Variants in ADGRE5 observed in about 807,000 individuals in gnomAD.
ADGRE5 encodes the protein adhesion G protein-coupled receptor E5, also known as CD97 molecule.
In ADGRE5, 72 loss-of-function variants were observed where a neutral mutation model predicts 100.3. That is an observed-to-expected ratio of 0.72 (90% CI 0.59 to 0.87). The LOEUF (loss-of-function observed/expected upper bound fraction) is 0.87, where lower values mean the gene tolerates loss of function less well. ADGRE5 is among the 40% of genes least tolerant of loss of function. The probability of loss-of-function intolerance (pLI) is 0.00; values close to 1 mark genes in which losing one functional copy is unlikely to be tolerated. For synonymous variants in ADGRE5, 439 were observed against 447.8 expected, an observed-to-expected ratio of 0.98 and a Z score of 0.25; for missense variants, 959 against 1,094.7, an observed-to-expected ratio of 0.88 and a Z score of 1.75.
chr19:14,399,301 G>A (rs138968912), intron 9 of ADGRE5, among the ~76,000 whole-genome samples: 4,356 of 151,598 alleles, frequency 0.029, 90 homozygotes, highest in South Asian at 0.048. Context: ...GGTGGCTCAC[G>A]CCTGTAATCC....
chr19:14,391,335 C>T (rs1975595009), intron 4 of ADGRE5: 3 of 537,422 alleles, frequency 5.6e-6, no homozygotes, highest in Non-Finnish European at 1.0e-5. Context: ...GATACTTATT[C>T]AGAAACCGCT....
chr19:14,405,952 C>A lies in ADGRE5; in HGVS notation c.1821+13C>A, dbSNP rs1187943340. The A allele has an allele frequency of 1.5e-5, 24 of 1,599,372 alleles. No homozygotes were observed. The highest frequency in any genetic ancestry group is 2.0e-5 in the Non-Finnish European group (23 of 1,177,750). On this transcript the variant is annotated intron_variant, in intron 14 of 19. Transcript: ENST00000242786. ...CGAAGGCGGCCAGGTGAGGTCCCGC[C>A]CCGCTCCCTCCTGAGCTCTGGGGTC...
In ADGRE5 at chr19:14,406,486, C is replaced by A; in HGVS notation, c.1977C>A (p.Gly659=). The A allele has an allele frequency of 6.4e-7, 1 of 1,565,490 alleles. No homozygotes were observed. Among genetic ancestry groups the A allele is most frequent in the Non-Finnish European group, 8.7e-7 (1 of 1,155,224 alleles). The change falls in exon 15 of 20, where the codon GGC becomes GGA. Residue 659 remains glycine, a synonymous_variant. Coordinates refer to ENST00000242786, the MANE Select transcript of ADGRE5 (RefSeq NM_078481.4). This position sits in a 1 kb window ranked among gnomAD's most constrained non-coding sequence, Gnocchi z 6.0. ...GTACGCGCTGGCTCTGCCTGATCGGCTATGGCGTGCCCCTGCTCATCGTGG... is the reference window on the plus strand; with the variant it reads ...GTACGCGCTGGCTCTGCCTGATCGGATATGGCGTGCCCCTGCTCATCGTGG... ...GLSTRWLCLI[G]YGVPLLIVGV...
rs1975988741 is a variant in ADGRE5, at chr19:14,401,059, G to A, written c.898-327G>A. ...GGATCGCTTGAGTCTGGGAGGTGGAGGTTGCAGTGAGCTGATTATGCCACT... is the reference window on the plus strand; with the variant it reads ...GGATCGCTTGAGTCTGGGAGGTGGAAGTTGCAGTGAGCTGATTATGCCACT... On this transcript the variant is annotated intron_variant, in intron 9 of 19. Transcript: ENST00000242786. The surrounding 1 kb of genome is among the most constrained non-coding windows in gnomAD (Gnocchi z 4.1). Among the ~76,000 whole-genome samples, 1 of 151,990 alleles carries A rather than the reference G, an allele frequency of 6.6e-6. No homozygotes were observed. Among genetic ancestry groups the A allele is most frequent in the Non-Finnish European group, 1.5e-5 (1 of 68,006 alleles).
rs755335558 is a variant in ADGRE5 at position 14,388,474 on chromosome 19, C to T, written c.47C>T (p.Pro16Leu). ...FLAFCVWLTL[P>L]GAETQDSRGC... ...GCATTCTGTGTCTGGCTGACTCTGC[C>T]GGGAGCTGAAACCCAGGACTCCAGG... The change falls in exon 2 of 20, where the codon CCG (proline) becomes CTG (leucine). Residue 16 changes from proline to leucine, a missense_variant. Pro to Leu is a moderately conservative substitution (Grantham distance 98, BLOSUM62 -3). Transcript: ENST00000242786. 3.9e-5 allele frequency: 63 copies of T among 1,601,358 alleles called. No homozygotes were observed. The highest frequency in any genetic ancestry group is 2.4e-4 in the Admixed American group (14 of 57,966).
intron 19 of ADGRE5, 22 bp from the exon 20 acceptor site, chr19:14,408,070 G>T (rs776204007): frequency 1.2e-6 from 2 of 1,614,072 alleles, no homozygotes; most frequent in East Asian, 2.2e-5. Flanking sequence ...CGGGGCTCAG[G>T]CCTCTGGGCT....
At chr19:14,387,346 G>A (rs1975395003) in intron 1 of ADGRE5, among the ~76,000 whole-genome samples, 1 of 152,148 alleles carries the variant, frequency 6.6e-6, no homozygotes, top group Admixed American at 6.5e-5. Flanking sequence ...CCGAGCTCGG[G>A]AGGCTGAGGC....
intron 13 of ADGRE5, chr19:14,404,976 C>T (rs1392638642): frequency 3.2e-5 from 6 of 188,850 alleles, no homozygotes; most frequent in Middle Eastern, 2.2e-3. Context: ...CCCGAGTAGC[C>T]GAGATTACAG....
intron 3 of ADGRE5, among the ~76,000 whole-genome samples, chr19:14,389,969 C>T (rs1356631979): frequency 1.4e-5 from 2 of 147,022 alleles, no homozygotes; most frequent in African/African-American, 5.0e-5. Context: ...CCAGCTACTC[C>T]GGGGGCTGAG....
At chr19:14,398,345 G>C (rs1267488169) in intron 9 of ADGRE5, 4 of 577,368 alleles carry the variant, frequency 6.9e-6, no homozygotes, top group Non-Finnish European at 1.3e-5. Context: ...CACACACCAG[G>C]TATAATGGCA....
intron 1 of ADGRE5, among the ~76,000 whole-genome samples, chr19:14,385,360 T>G (rs956570843): frequency 3.9e-5 from 6 of 152,084 alleles, no homozygotes; most frequent in Non-Finnish European, 8.8e-5. Flanking sequence ...TCTCTTTCTG[T>G]GTCTCTCTTT....
At chr19:14,385,146 G>C (rs1421169291) in intron 1 of ADGRE5, among the ~76,000 whole-genome samples, 1 of 151,500 alleles carries the variant, frequency 6.6e-6, no homozygotes, top group African/African-American at 2.4e-5. Flanking sequence ...AAATAGCTGG[G>C]ATTACAGGCG....
chr19:14,401,784 G>T lies in ADGRE5; in HGVS notation c.1183+24G>T, dbSNP rs1976023276. ...AGGTAGCAGCGGTGGTCTGGAGGGGGAGCCCGTGGGAGAGAGATGGAGGTG... is the reference window on the plus strand; with the variant it reads ...AGGTAGCAGCGGTGGTCTGGAGGGGTAGCCCGTGGGAGAGAGATGGAGGTG... On this transcript the variant is annotated intron_variant, in intron 11 of 19. Coordinates refer to ENST00000242786, the MANE Select transcript of ADGRE5 (RefSeq NM_078481.4). The surrounding 1 kb of genome is among the most constrained non-coding windows in gnomAD (Gnocchi z 4.1). The T allele has an allele frequency of 2.1e-6, 3 of 1,458,392 alleles. No individual in the cohort carries two copies. The highest frequency in any genetic ancestry group is 2.8e-5 in the African/African-American group (2 of 70,534). 90.3% of individuals were successfully genotyped at this position (1,458,392 alleles called of 1,614,324 possible). A position where few individuals can be genotyped will look rare whatever the true frequency, so the allele number is the denominator to read the frequency against.
chr19:14,402,550 T>A (rs1241601438), intron 11 of ADGRE5, 47 bp from the exon 12 acceptor site: 1 of 1,605,282 alleles, frequency 6.2e-7, no homozygotes, highest in South Asian at 1.1e-5. Flanking sequence ...GGATAGAGCA[T>A]GGGAGGAGGA....
At chr19:14,393,564 C>T (rs573444520) in intron 4 of ADGRE5, among the ~76,000 whole-genome samples, 2 of 152,250 alleles carry the variant, frequency 1.3e-5, no homozygotes, top group African/African-American at 2.4e-5. Flanking sequence ...TGCAGGGTAC[C>T]GAGATCAGGA....
intron 1 of ADGRE5, among the ~76,000 whole-genome samples, chr19:14,384,613 A>G (rs1975268989): frequency 7.4e-6 from 1 of 135,450 alleles, no homozygotes; most frequent in Non-Finnish European, 1.6e-5. Context: ...TCATATCCCA[A>G]CGCCCTCCGT....
intron 9 of ADGRE5, among the ~76,000 whole-genome samples, chr19:14,399,494 G>A (rs1975922438): frequency 6.8e-6 from 1 of 147,098 alleles, no homozygotes; most frequent in Admixed American, 6.9e-5. Flanking sequence ...AACCCGGGAA[G>A]CGGAGCTTGC....
rs762530194 is a variant in ADGRE5 at position 14,404,494 on chromosome 19, G to C, written c.1561G>C (p.Gly521Arg). ...CTGCCAGGTGCTGGGCAGCAAGAACGGCAGCACCACCTGCCAATGCAGCCA... is the reference window on the plus strand; with the variant it reads ...CTGCCAGGTGCTGGGCAGCAAGAACCGCAGCACCACCTGCCAATGCAGCCA... ...EGCQVLGSKN[G>R]STTCQCSHLS... is the part of the protein sequence containing the mutation. The change falls in exon 13 of 20, where the codon GGC (glycine) becomes CGC (arginine). Residue 521 changes from glycine (G) to arginine (R), a missense_variant. Coordinates refer to ENST00000242786, the MANE Select transcript of ADGRE5 (RefSeq NM_078481.4). 1 of 1,612,128 alleles carries C rather than the reference G, an allele frequency of 6.2e-7. No individual in the cohort carries two copies. The highest frequency in any genetic ancestry group is 8.5e-7 in the Non-Finnish European group (1 of 1,179,434).
chr19:14,382,706 CA>C (rs937436943), intron 1 of ADGRE5, among the ~76,000 whole-genome samples: 9 of 127,398 alleles, frequency 7.1e-5, no homozygotes, highest in African/African-American at 2.9e-4. Flanking sequence ...CTACCAAAAA[CA>C]AATTTTTTTT....
Sources: gnomAD v4.1 joint callset for allele counts (sites outside exome capture counted in the v4.1 genomes callset) on GRCh38, gnomAD v4.1.1 for gene constraint, Gnocchi (gnomAD v3.1) non-coding constraint, MANE v1.5 for transcripts, NCBI Gene and HGNC (gene_info 2026-07-23, HGNC 2026-07-21) for gene names.